The following FAT3 variants were observed in gnomAD, a reference collection of about 807,000 sequenced individuals.
The protein encoded by FAT3 is protocadherin Fat 3.
In FAT3, 95 loss-of-function variants were observed where a neutral mutation model predicts 310.2. The observed-to-expected ratio is 0.31, with a 90% CI of 0.26 to 0.36. The LOEUF is 0.36. FAT3 is among the 10% of genes least tolerant of loss of function. The pLI is 1.00. For synonymous variants in FAT3, 2,314 were observed against 2,192.9 expected, an observed-to-expected ratio of 1.06 and a Z score of -1.54; for missense variants, 5,408 against 5,715.6, an observed-to-expected ratio of 0.95 and a Z score of 1.74.
intron 3 of FAT3, among the ~76,000 whole-genome samples, chr11:92,578,906 A>G (rs1938634262): frequency 6.6e-6 from 1 of 152,244 alleles, no homozygotes; most frequent in African/African-American, 2.4e-5. Context: ...GTAATTAAGT[A>G]TGTGGCTTTG....
At chr11:92,339,259 T>C (rs1948175632) in intron 1 of FAT3, among the ~76,000 whole-genome samples, 2 of 152,176 alleles carry the variant, frequency 1.3e-5, no homozygotes, top group Non-Finnish European at 2.9e-5. Flanking sequence ...ATCATTCTCA[T>C]TGTGATAACA....
rs1423114908 is a variant in FAT3, at chr11:92,798,746, C to A, written c.5733C>A (p.Asp1911Glu). ...TGAAAGTTAGTGCCACAGATCCTGA[C>A]TCTGAGGTACCCCCTGAACTGACAT... The part of the protein sequence containing the change: ...EVLKVSATDP[D>E]SEVPPELTYS... Residue 1911 changes from aspartate (D) to glutamate (E), a missense_variant, in exon 10 of 28, where the codon GAC becomes GAA. Coordinates refer to ENST00000525166, the MANE Select transcript of FAT3 (RefSeq NM_001367949.2). 1 of 1,613,752 alleles carries A rather than the reference C, an allele frequency of 6.2e-7. No homozygotes were observed. The highest frequency in any genetic ancestry group is 8.5e-7 in the Non-Finnish European group (1 of 1,179,862).
At chr11:92,336,023 A>G (rs530287324) in intron 1 of FAT3, 6 of 485,940 alleles carry the variant, frequency 1.2e-5, no homozygotes. Flanking sequence ...AGCTCCACTC[A>G]GCAACTGGTC....
At chr11:92,545,794 C>T (rs1489359608) in intron 3 of FAT3, among the ~76,000 whole-genome samples, 3 of 152,282 alleles carry the variant, frequency 2.0e-5, no homozygotes, top group East Asian at 3.9e-4. Context: ...TTTAAGACAG[C>T]GTTATCCCAT....
chr11:92,241,040 A>G (rs1364557262), intron 1 of FAT3, among the ~76,000 whole-genome samples: 2 of 151,992 alleles, frequency 1.3e-5, no homozygotes, highest in African/African-American at 2.4e-5. Context: ...ACAGCATTGC[A>G]GTTTCAGACT....
intron 21 of FAT3, among the ~76,000 whole-genome samples, chr11:92,864,578 G>C (rs1369053318): frequency 6.6e-6 from 1 of 152,214 alleles, no homozygotes; most frequent in African/African-American, 2.4e-5. Context: ...AGCACTTTGA[G>C]AGGCCGAGGC....
intron 2 of FAT3, among the ~76,000 whole-genome samples, chr11:92,396,519 A>G (rs535038684): frequency 6.6e-6 from 1 of 152,208 alleles, no homozygotes; most frequent in South Asian, 2.1e-4. Flanking sequence ...TTGGGTATTG[A>G]GGTATGTGGT....
At chr11:92,336,088 T>C (rs1046302474) in intron 1 of FAT3, 1 of 517,242 alleles carries the variant, frequency 1.9e-6, no homozygotes, top group Non-Finnish European at 3.8e-6. Context: ...TTGGATTCCA[T>C]GATGGGAAGG....
rs752667100 is a variant in FAT3 at position 92,891,158 on chromosome 11, G to C, written c.*45G>C. ...TCACCCTGTTTGTTACAGAAAAGTG[G>C]AAGCAGATTGGCTGGGCTTCTGTCC... On this transcript the variant is annotated 3_prime_UTR_variant, in exon 28 of 28. Coordinates refer to ENST00000525166, the MANE Select transcript of FAT3 (RefSeq NM_001367949.2). 5 of 1,592,436 alleles carry C rather than the reference G, an allele frequency of 3.1e-6. No individual in the cohort carries two copies. The Admixed American group carries it at 8.5e-5, about 27-fold the overall frequency.
intron 3 of FAT3, among the ~76,000 whole-genome samples, chr11:92,529,388 T>G (rs1759411428): frequency 6.6e-6 from 1 of 152,160 alleles, no homozygotes; most frequent in Admixed American, 6.5e-5. Context: ...ACCAGATAGC[T>G]TGAGAGGCAT....
chr11:92,750,111 G>T (rs1945789988), intron 4 of FAT3, among the ~76,000 whole-genome samples: 3 of 152,190 alleles, frequency 2.0e-5, no homozygotes, highest in Admixed American at 1.3e-4. Context: ...GCTGCGTGTG[G>T]TTGGATATTC....
intron 2 of FAT3, among the ~76,000 whole-genome samples, chr11:92,377,676 G>A (rs1041272958): frequency 4.6e-5 from 7 of 152,122 alleles, no homozygotes; most frequent in Non-Finnish European, 8.8e-5. Context: ...CTGCCTGATT[G>A]TAGGCTCCTT....
At chr11:92,796,330 T>A (rs1319777142) in intron 9 of FAT3, among the ~76,000 whole-genome samples, 2 of 152,222 alleles carry the variant, frequency 1.3e-5, no homozygotes, top group Non-Finnish European at 2.9e-5. Context: ...ACAACATTGT[T>A]TAATATTCAC....
intron 3 of FAT3, among the ~76,000 whole-genome samples, chr11:92,605,626 A>G (rs879024418): frequency 1.3e-5 from 2 of 152,064 alleles, no homozygotes; most frequent in African/African-American, 4.8e-5. Context: ...GGACAAATGG[A>G]ATAATAATAG....
At chr11:92,247,953 C>A (rs1293863956) in intron 1 of FAT3, among the ~76,000 whole-genome samples, 4 of 151,886 alleles carry the variant, frequency 2.6e-5, no homozygotes, top group African/African-American at 9.7e-5. Context: ...GTACTCTAGT[C>A]TGGGTAACAC....
chr11:92,580,519 T>G (rs537069993), intron 3 of FAT3, among the ~76,000 whole-genome samples: 2 of 152,236 alleles, frequency 1.3e-5, no homozygotes, highest in Admixed American at 6.5e-5. Flanking sequence ...TGTTGTCACT[T>G]ATCAGAATCT....
intron 2 of FAT3, among the ~76,000 whole-genome samples, chr11:92,407,844 A>G (rs1479803045): frequency 1.3e-5 from 2 of 152,166 alleles, no homozygotes; most frequent in East Asian, 3.9e-4. Flanking sequence ...AGCATCATAC[A>G]TTTCATTCAT....
At chr11:92,330,455 A>G (rs1182200756) in intron 1 of FAT3, among the ~76,000 whole-genome samples, 1 of 152,226 alleles carries the variant, frequency 6.6e-6, no homozygotes, top group Non-Finnish European at 1.5e-5. Context: ...CGGTACAATG[A>G]AAGATAGTTT....
intron 3 of FAT3, among the ~76,000 whole-genome samples, chr11:92,624,272 C>T (rs1351218549): frequency 6.6e-6 from 1 of 152,140 alleles, no homozygotes; most frequent in East Asian, 1.9e-4. Context: ...AAAAACATTC[C>T]TTTGCAGAGG....
Sources: gnomAD v4.1 joint callset for allele counts (sites outside exome capture counted in the v4.1 genomes callset) on GRCh38, gnomAD v4.1.1 for gene constraint, MANE v1.5 for transcripts, NCBI Gene and HGNC (gene_info 2026-07-23, HGNC 2026-07-21) for gene names.